The following RNF185 variants were observed in gnomAD, a reference collection of about 807,000 sequenced individuals.
RNF185 encodes ring finger protein 185.
A neutral mutation model predicts 24.9 loss-of-function variants in RNF185; 13 were observed. The observed-to-expected ratio is 0.52, with a 90% CI of 0.34 to 0.83. RNF185 has a LOEUF of 0.83. Among genes scored for constraint, RNF185 ranks in the 40% least tolerant of loss-of-function variants. The pLI is 0.01. For synonymous variants in RNF185, 79 were observed against 90.3 expected, an observed-to-expected ratio of 0.88 and a Z score of 0.71; for missense variants, 184 against 244.7, an observed-to-expected ratio of 0.75 and a Z score of 1.65.
intron 1 of RNF185, among the ~76,000 whole-genome samples, chr22:31,177,503 T>C (rs2047994599): frequency 6.6e-6 from 1 of 152,170 alleles, no homozygotes. Flanking sequence ...GGTTTATGTG[T>C]TTCCAAGTTC....
At chr22:31,193,557 G>A (rs2048175502) in intron 3 of RNF185, among the ~76,000 whole-genome samples, 1 of 152,132 alleles carries the variant, frequency 6.6e-6, no homozygotes, top group African/African-American at 2.4e-5. Flanking sequence ...ACGTAGGGAG[G>A]CCAAGGCAGG....
chr22:31,179,043 C>T (rs1421939366), intron 1 of RNF185, among the ~76,000 whole-genome samples: 4 of 152,082 alleles, frequency 2.6e-5, no homozygotes, highest in South Asian at 2.1e-4. Flanking sequence ...TAAAATGCAG[C>T]GATAGATGTG....
chr22:31,186,929 T>C, intron 1 of RNF185, 118 bp from the exon 2 acceptor site: 1 of 746,110 alleles, frequency 1.3e-6, no homozygotes, highest in East Asian at 2.6e-5. Context: ...CTTTGGGAAG[T>C]CTGCTCAGGG....
At chr22:31,174,167 AAAAC>A (rs1235073705) in intron 1 of RNF185, among the ~76,000 whole-genome samples, 1 of 152,332 alleles carries the variant, frequency 6.6e-6, no homozygotes, top group East Asian at 1.9e-4. Flanking sequence ...GCAAATGAGA[AAAAC>A]AAAGGCTCAG....
chr22:31,170,212 A>G (rs1253984093), intron 1 of RNF185, among the ~76,000 whole-genome samples: 1 of 151,990 alleles, frequency 6.6e-6, no homozygotes, highest in Non-Finnish European at 1.5e-5. Flanking sequence ...TGTTTGAGAC[A>G]GAGTCTTGTT....
intron 5 of RNF185, 149 bp downstream of exon 5, chr22:31,197,139 T>C (rs1370304818): frequency 7.8e-6 from 9 of 1,152,736 alleles, no homozygotes; most frequent in East Asian, 5.5e-5. Context: ...AAATCACTTA[T>C]AACCACACCA....
At chr22:31,163,093 T>G (rs2147914454) in intron 1 of RNF185, among the ~76,000 whole-genome samples, 1 of 152,176 alleles carries the variant, frequency 6.6e-6, no homozygotes, top group Non-Finnish European at 1.5e-5. Flanking sequence ...TGATGGGAAA[T>G]AAAAGAAGAA....
chr22:31,204,727 T>A lies in RNF185; in HGVS notation c.*141T>A, dbSNP rs975103008. Reference sequence around the variant, plus strand: ...CACATCAAGGAGTCTTGTTTCTTCATCAGAGCTTTGGAACTCGAGACCAGT... The same window carrying A: ...CACATCAAGGAGTCTTGTTTCTTCAACAGAGCTTTGGAACTCGAGACCAGT... On this transcript the variant is annotated 3_prime_UTR_variant, in exon 7 of 7. Coordinates refer to ENST00000326132, the MANE Select transcript of RNF185 (RefSeq NM_152267.4). 1 of 611,564 alleles carries A rather than the reference T, an allele frequency of 1.6e-6. No homozygotes were observed. Among genetic ancestry groups the A allele is most frequent in the Non-Finnish European group, 3.0e-6 (1 of 338,390 alleles). The allele number at this position is 611,564 out of a possible 1,614,324, so 37.9% of individuals were successfully genotyped here.
At chr22:31,192,263 G>T (rs1167652607) in intron 2 of RNF185, among the ~76,000 whole-genome samples, 1 of 152,210 alleles carries the variant, frequency 6.6e-6, no homozygotes, top group South Asian at 2.1e-4. Flanking sequence ...GTGTAAAATA[G>T]TGTGTAGTAC....
At chr22:31,184,047 GC>G (rs1405235122) in intron 1 of RNF185, among the ~76,000 whole-genome samples, 1 of 150,632 alleles carries the variant, frequency 6.6e-6, no homozygotes, top group East Asian at 2.0e-4. Flanking sequence ...GGGGCGGCTG[GC>G]CGGTCGGGGG....
chr22:31,180,915 C>CTGTGTGTGTGTGTGTG (rs567264606), intron 1 of RNF185, among the ~76,000 whole-genome samples: 2 of 96,856 alleles, frequency 2.1e-5, no homozygotes, highest in Admixed American at 1.1e-4. Context: ...CTCTCTCTCT[C>CTGTGTGTGTGTGTGTG]TGTGTGTGTG....
intron 1 of RNF185, among the ~76,000 whole-genome samples, chr22:31,181,165 T>C (rs1253214524): frequency 6.6e-6 from 1 of 151,690 alleles, no homozygotes; most frequent in Non-Finnish European, 1.5e-5. Context: ...CTGGGCAACA[T>C]AGACCTTGTT....
intron 1 of RNF185, 86 bp from the exon 2 acceptor site, chr22:31,186,961 G>C: frequency 1.1e-6 from 1 of 946,902 alleles, no homozygotes. Flanking sequence ...ATCAGCTCTG[G>C]AGCCTAGAGA....
chr22:31,188,955 TAAAAAAAAA>T (rs34561325), intron 2 of RNF185, among the ~76,000 whole-genome samples: 3 of 118,092 alleles, frequency 2.5e-5, no homozygotes, highest in Non-Finnish European at 5.2e-5. Flanking sequence ...CCGTTTCTAC[TAAAAAAAAA>T]AAAAAAAAAA....
chr22:31,195,495 G>T lies in RNF185; in HGVS notation c.222G>T (p.Gln74His), dbSNP rs144268423. 3 of 1,609,180 alleles carry T rather than the reference G, an allele frequency of 1.9e-6. No individual in the cohort carries two copies. Among genetic ancestry groups the T allele is most frequent in the Non-Finnish European group, 2.5e-6 (3 of 1,177,984 alleles). The change falls in exon 4 of 7, where the codon CAG (glutamine) becomes CAT (histidine). Residue 74 changes from glutamine (Q) to histidine (H), a missense_variant. By Grantham distance (24) the Gln-to-His change is conservative. Coordinates refer to ENST00000326132, the MANE Select transcript of RNF185 (RefSeq NM_152267.4). ...GGTTGGAGACCAGACCTAACAGACA[G>T]GTGTGTCCTGTTTGCAAAGCTGGCA... ...HQWLETRPNRQVCPVCKAGIS... is the reference protein window; with the variant it reads ...HQWLETRPNRHVCPVCKAGIS...
At chr22:31,169,497 C>A (rs1924146656) in intron 1 of RNF185, among the ~76,000 whole-genome samples, 1 of 152,114 alleles carries the variant, frequency 6.6e-6, no homozygotes, top group South Asian at 2.1e-4. Flanking sequence ...GTTTAAAATT[C>A]TCAGAGGCGG....
intron 2 of RNF185, 115 bp downstream of exon 2, chr22:31,187,385 A>C: frequency 4.4e-6 from 5 of 1,135,796 alleles, no homozygotes; most frequent in Non-Finnish European, 6.4e-6. Flanking sequence ...ACTCAGGCTC[A>C]AGGGACAAGA....
In RNF185 at chr22:31,187,110, C is replaced by T. The variant is rs2048106911; in HGVS notation, c.16C>T (p.Pro6Ser). 6.2e-7 allele frequency: 1 copy of T among 1,607,928 alleles called. No individual in the cohort carries two copies. The highest frequency in any genetic ancestry group is 8.5e-7 in the Non-Finnish European group (1 of 1,177,610). Residue 6 changes from proline (P) to serine (S), a missense_variant, in exon 2 of 7, where the codon CCC becomes TCC. Physicochemically the swap from Pro to Ser is moderately conservative, Grantham distance 74 (BLOSUM62 -1). Coordinates refer to ENST00000326132, the MANE Select transcript of RNF185 (RefSeq NM_152267.4). The stretch of plus-strand genomic sequence containing the variant: ...ACAGCCAAGGATGGCAAGCAAGGGG[C>T]CCTCGGCCTCTGCATCTCCTGAGAA... MASKG[P>S]SASASPENSS...
chr22:31,175,067 G>A (rs1426235970), intron 1 of RNF185, among the ~76,000 whole-genome samples: 8 of 102,664 alleles, frequency 7.8e-5, no homozygotes, highest in South Asian at 3.5e-4. Context: ...GCGAGCCTCC[G>A]TCTCAAATTA....
Sources: allele counts gnomAD v4.1 joint callset (sites outside exome capture counted in the v4.1 genomes callset), GRCh38; gene constraint gnomAD v4.1.1; transcripts MANE v1.5; gene names NCBI Gene and HGNC (gene_info 2026-07-23, HGNC 2026-07-21).